The following EMP2 variants were observed in gnomAD, a reference collection of about 807,000 sequenced individuals.
EMP2 encodes epithelial membrane protein 2.
EMP2 carries 19 observed loss-of-function variants against 13.7 expected under a neutral mutation model. The observed-to-expected ratio is 1.38, with a 90% CI of 0.97 to 2.03. The LOEUF is 2.03. Ranked by LOEUF, EMP2 falls within the 30% of genes most tolerant of loss-of-function variation. The pLI, the probability that EMP2 is intolerant of heterozygous loss-of-function variation, is 0.00. For missense variants in EMP2, 253 were observed against 220.7 expected, an observed-to-expected ratio of 1.15 and a Z score of -0.93; for synonymous variants, 97 against 84.7, an observed-to-expected ratio of 1.15 and a Z score of -0.80.
intron 1 of EMP2, among the ~76,000 whole-genome samples, chr16:10,552,119 C>CT (rs35463309): frequency 0.11 from 12,421 of 108,148 alleles, 672 homozygotes; most frequent in East Asian, 0.28. Context: ...GATGCATTCC[C>CT]TTTTTTTTTT....
At chr16:10,565,272 T>C (rs1217714962) in intron 1 of EMP2, among the ~76,000 whole-genome samples, 2 of 152,208 alleles carry the variant, frequency 1.3e-5, no homozygotes, top group Non-Finnish European at 2.9e-5. Flanking sequence ...TGGGTCACAA[T>C]GTTTCTGTGA....
intron 1 of EMP2, 84 bp from the exon 2 acceptor site, chr16:10,547,761 C>T (rs978427598): frequency 5.6e-5 from 43 of 768,182 alleles, no homozygotes; most frequent in South Asian, 4.7e-4. Flanking sequence ...TTTAGCTGGG[C>T]GTGGTGGCTC....
intron 1 of EMP2, among the ~76,000 whole-genome samples, chr16:10,560,262 A>C (rs777178473): frequency 6.6e-6 from 1 of 152,192 alleles, no homozygotes; most frequent in Non-Finnish European, 1.5e-5. Context: ...CATGCTTTGC[A>C]AAGCACACTG....
intron 3 of EMP2, 65 bp downstream of exon 3, chr16:10,543,505 C>A: frequency 1.3e-6 from 2 of 1,570,076 alleles, no homozygotes; most frequent in Non-Finnish European, 1.8e-6. Flanking sequence ...GAACCCGAAG[C>A]CTCACTCCTG....
At chr16:10,565,815 T>G (rs1477220657) in intron 1 of EMP2, among the ~76,000 whole-genome samples, 5 of 152,212 alleles carry the variant, frequency 3.3e-5, no homozygotes, top group African/African-American at 1.2e-4. Context: ...AACATTTCCC[T>G]ACTAGCATGC....
chr16:10,548,355 A>G (rs1480433035), intron 1 of EMP2, among the ~76,000 whole-genome samples: 10 of 152,164 alleles, frequency 6.6e-5, no homozygotes, highest in Admixed American at 6.5e-4. Context: ...AGCAAAAGTG[A>G]TCACAATACA....
At chr16:10,565,191 A>G (rs148755652) in intron 1 of EMP2, among the ~76,000 whole-genome samples, 11 of 152,330 alleles carry the variant, frequency 7.2e-5, no homozygotes, top group Non-Finnish European at 1.3e-4. Flanking sequence ...AAAGGATTCT[A>G]TGTTACTTAA....
rs2051016927 is a variant in EMP2 at position 10,580,127 on chromosome 16, G to A, written c.-61+422C>T. Reference sequence around the variant, plus strand: ...GGGGCCTAGAGGGGTACGCAGCCCAGGAGGACCCGCTGGCCCGGCCTGGCG... The same window carrying A: ...GGGGCCTAGAGGGGTACGCAGCCCAAGAGGACCCGCTGGCCCGGCCTGGCG... On this transcript the variant is annotated intron_variant, in intron 1 of 4. Transcript: ENST00000359543. The surrounding 1 kb of genome is among the most constrained non-coding windows in gnomAD (Gnocchi z 4.3). 6.6e-6 allele frequency among the ~76,000 whole-genome samples: 1 copy of A among 152,164 alleles called. No individual in the cohort carries two copies. The highest frequency in any genetic ancestry group is 2.4e-5 in the African/African-American group (1 of 41,456).
chr16:10,540,067 C>A (rs536553321), intron 3 of EMP2, among the ~76,000 whole-genome samples: 1 of 152,286 alleles, frequency 6.6e-6, no homozygotes, highest in Non-Finnish European at 1.5e-5. Context: ...AATAGATGTT[C>A]CTAGAACAGG....
chr16:10,555,367 G>A (rs1179280150), intron 1 of EMP2, among the ~76,000 whole-genome samples: 1 of 152,176 alleles, frequency 6.6e-6, no homozygotes, highest in Non-Finnish European at 1.5e-5. Flanking sequence ...GGCCACCTGA[G>A]TTTGGGCGCT....
At chr16:10,545,526 AC>A (rs2050732803) in intron 2 of EMP2, 1 of 152,266 alleles carries the variant, frequency 6.6e-6, no homozygotes, top group South Asian at 2.1e-4. Flanking sequence ...AGGAGTGTCA[AC>A]CTTGTGAACT....
Position 10,533,099 on chromosome 16 carries a change from G to A in EMP2, c.317-7C>T. 1 of 1,545,056 alleles carries A rather than the reference G, an allele frequency of 6.5e-7. No homozygotes were observed. ...GCAATCATGACACACAGACCTGTCA[G>A]GAAGAAAGGTGAATTTTCAATAAAT... On this transcript the variant is annotated splice_region_variant and splice_polypyrimidine_tract_variant and intron_variant, in intron 4 of 4. Coordinates refer to ENST00000359543, the MANE Select transcript of EMP2 (RefSeq NM_001424.6).
intron 1 of EMP2, among the ~76,000 whole-genome samples, chr16:10,579,536 C>A (rs1021639213): frequency 6.6e-6 from 1 of 152,084 alleles, no homozygotes; most frequent in African/African-American, 2.4e-5. Context: ...CAGTAACTCC[C>A]GGTTCCCAGG....
At chr16:10,546,995 CCTT>C (rs142694205) in intron 2 of EMP2, 5,082 of 152,344 alleles carry the variant, frequency 0.033, 116 homozygotes, top group Non-Finnish European at 0.052. Flanking sequence ...ACGGCCTGAA[CCTT>C]CACATTTAGG....
intron 3 of EMP2, among the ~76,000 whole-genome samples, chr16:10,542,020 G>A (rs923488470): frequency 1.3e-5 from 2 of 152,128 alleles, no homozygotes; most frequent in Admixed American, 6.6e-5. Context: ...CAGGGAGTAG[G>A]CTCCTTTGCT....
intron 1 of EMP2, among the ~76,000 whole-genome samples, chr16:10,548,640 A>T (rs1050249509): frequency 6.6e-6 from 1 of 152,106 alleles, no homozygotes; most frequent in Non-Finnish European, 1.5e-5. Context: ...GCTGCAATAA[A>T]CCATGATCTC....
At chr16:10,546,992 G>A (rs2050744662) in intron 2 of EMP2, 1 of 151,884 alleles carries the variant, frequency 6.6e-6, no homozygotes, top group South Asian at 2.1e-4. Flanking sequence ...GGGACGGCCT[G>A]AACCTTCACA....
intron 1 of EMP2, among the ~76,000 whole-genome samples, chr16:10,553,168 T>C (rs960554162): frequency 2.6e-5 from 4 of 152,144 alleles, no homozygotes; most frequent in Non-Finnish European, 4.4e-5. Context: ...GGAATAAAAA[T>C]AACCCTTTAC....
chr16:10,550,624 C>A (rs1253420142), intron 1 of EMP2, among the ~76,000 whole-genome samples: 3 of 152,144 alleles, frequency 2.0e-5, no homozygotes, highest in Non-Finnish European at 4.4e-5. Context: ...TAACTTTGAT[C>A]ACTGGGTTGT....
Sources: allele counts gnomAD v4.1 joint callset (sites outside exome capture counted in the v4.1 genomes callset), GRCh38; gene constraint gnomAD v4.1.1; non-coding constraint Gnocchi (gnomAD v3.1); transcripts MANE v1.5; gene names NCBI Gene and HGNC (gene_info 2026-07-23, HGNC 2026-07-21).